ISM1: variants seen among roughly 807,000 people sequenced by gnomAD.
The protein encoded by ISM1 is isthmin-1.
ISM1 carries 25 observed loss-of-function variants against 46.3 expected under a neutral mutation model. The ratio of observed to expected loss-of-function variants is 0.54; its 90% CI spans 0.39 to 0.75. The LOEUF is 0.75. Ranked by LOEUF, ISM1 falls within the 30% of genes least tolerant of loss-of-function variation. The pLI, the probability that ISM1 is intolerant of heterozygous loss-of-function variation, is 0.00. For missense variants in ISM1, 536 were observed against 625.4 expected (o/e 0.86, Z 1.52); for synonymous variants, 255 against 256.7 (o/e 0.99, Z 0.06).
At chr20:13,296,043 C>A (rs2123330212) in intron 5 of ISM1, among the ~76,000 whole-genome samples, 1 of 152,312 alleles carries the variant, frequency 6.6e-6, no homozygotes, top group East Asian at 1.9e-4. Flanking sequence ...TTTTTGGACA[C>A]CCCTGGGGCT....
chr20:13,296,820 C>G (rs905600476), intron 5 of ISM1, among the ~76,000 whole-genome samples: 2 of 152,202 alleles, frequency 1.3e-5, no homozygotes, highest in Non-Finnish European at 2.9e-5. Context: ...GAGTTCAAGA[C>G]CAACCTGGCC....
chr20:13,271,979 A>G (rs2040120584), intron 2 of ISM1, among the ~76,000 whole-genome samples: 1 of 152,052 alleles, frequency 6.6e-6, no homozygotes, highest in African/African-American at 2.4e-5. Context: ...GGGTTTTGCC[A>G]TATCGCTCAG....
At chr20:13,296,002 C>A (rs187931495) in intron 5 of ISM1, among the ~76,000 whole-genome samples, 3 of 152,338 alleles carry the variant, frequency 2.0e-5, no homozygotes, top group Admixed American at 2.0e-4. Context: ...TTGAAGCAAC[C>A]CTGACTTCCC....
At chr20:13,275,333 T>A (rs1480083604) in intron 2 of ISM1, among the ~76,000 whole-genome samples, 1 of 152,222 alleles carries the variant, frequency 6.6e-6, no homozygotes, top group East Asian at 1.9e-4. Context: ...CTTCTACTTT[T>A]GATTTTGCCT....
At chr20:13,261,627 C>T (rs1318524064) in intron 1 of ISM1, among the ~76,000 whole-genome samples, 1 of 152,188 alleles carries the variant, frequency 6.6e-6, no homozygotes, top group African/African-American at 2.4e-5. Flanking sequence ...CTCCTGGCCC[C>T]AGTCCTTTCC....
At chr20:13,322,879 C>A in the ISM1 span, among the ~76,000 whole-genome samples, 1 of 152,184 alleles carries the variant, frequency 6.6e-6, no homozygotes, top group Admixed American at 6.5e-5. Context: ...TCCCCACCCC[C>A]GCTGCCCTGA....
At chr20:13,320,385 A>G in the ISM1 span, among the ~76,000 whole-genome samples, 155 of 152,322 alleles carry the variant, frequency 1.0e-3, no homozygotes, top group Non-Finnish European at 1.9e-3. Flanking sequence ...GTGCTTGCAA[A>G]CCAAAGGACA....
the ISM1 span, among the ~76,000 whole-genome samples, chr20:13,315,140 A>G: frequency 3.9e-5 from 6 of 152,122 alleles, no homozygotes; most frequent in African/African-American, 1.2e-4. Flanking sequence ...AGCAAAAAAC[A>G]ACAAGGACAA....
chr20:13,302,355 A>T (rs751045546), downstream of ISM1, among the ~76,000 whole-genome samples: 1 of 152,208 alleles, frequency 6.6e-6, no homozygotes, highest in Non-Finnish European at 1.5e-5. Flanking sequence ...AACCTCTGGA[A>T]ATTTGCTGAA....
At chr20:13,312,027 CATAA>C in the ISM1 span, among the ~76,000 whole-genome samples, 1 of 151,784 alleles carries the variant, frequency 6.6e-6, no homozygotes, top group Non-Finnish European at 1.5e-5. Flanking sequence ...CATTGTACAC[CATAA>C]ATATAGACAA....
rs6131457 is a variant in ISM1, at chr20:13,253,293, G to A, written c.139-17211G>A. Among the ~76,000 whole-genome samples the A allele has an allele frequency of 2.5e-3, 375 of 152,270 alleles. 6 individuals are homozygous for A. The East Asian group carries it at 0.054, about 22-fold the overall frequency. Reference sequence around the variant, plus strand: ...CTTCACCCAGGGACCCAGAGGGTGAGGAGCTCTGCCTTCCCTCACGGTGTT... The same window carrying A: ...CTTCACCCAGGGACCCAGAGGGTGAAGAGCTCTGCCTTCCCTCACGGTGTT... On this transcript the variant is annotated intron_variant, in intron 1 of 5. Coordinates refer to ENST00000262487, the MANE Select transcript of ISM1 (RefSeq NM_080826.2).
intron 1 of ISM1, among the ~76,000 whole-genome samples, chr20:13,237,213 G>A (rs2039661472): frequency 6.6e-6 from 1 of 152,204 alleles, no homozygotes; most frequent in Non-Finnish European, 1.5e-5. Flanking sequence ...ATATCAACAT[G>A]CCCTTGGCCC....
intron 1 of ISM1, among the ~76,000 whole-genome samples, chr20:13,225,199 T>C (rs192466804): frequency 3.9e-5 from 6 of 152,252 alleles, no homozygotes; most frequent in Non-Finnish European, 1.5e-5. Flanking sequence ...AATTAGGTGC[T>C]ATCATTATCC....
intron 1 of ISM1, among the ~76,000 whole-genome samples, chr20:13,256,774 A>G (rs1236920241): frequency 6.6e-6 from 1 of 152,054 alleles, no homozygotes; most frequent in Non-Finnish European, 1.5e-5. Context: ...AGGATTCCAA[A>G]CCTCAGTTTT....
chr20:13,246,127 G>T (rs2039790085), intron 1 of ISM1, among the ~76,000 whole-genome samples: 1 of 152,098 alleles, frequency 6.6e-6, no homozygotes, highest in African/African-American at 2.4e-5. Flanking sequence ...AAAAGAATTA[G>T]TCGGGCATGG....
At chr20:13,292,643 C>A (rs2123320120) in intron 5 of ISM1, among the ~76,000 whole-genome samples, 180 bp downstream of exon 5, 1 of 152,252 alleles carries the variant, frequency 6.6e-6, no homozygotes, top group Non-Finnish European at 1.5e-5. Context: ...CAGTCCTAAG[C>A]CTCCTCCACC....
chr20:13,262,344 G>A (rs2039997768), intron 1 of ISM1, among the ~76,000 whole-genome samples: 1 of 152,182 alleles, frequency 6.6e-6, no homozygotes, highest in African/African-American at 2.4e-5. Flanking sequence ...TGGATGCTGA[G>A]GATGGCTGGC....
At chr20:13,304,804 T>A (rs907377299), downstream of ISM1, among the ~76,000 whole-genome samples, 5 of 152,144 alleles carry the variant, frequency 3.3e-5, no homozygotes, top group African/African-American at 9.7e-5. Flanking sequence ...TGGGATTGAG[T>A]TCCAGTTGCC....
chr20:13,254,187 C>T (rs138514983), intron 1 of ISM1, among the ~76,000 whole-genome samples: 16,418 of 151,690 alleles, frequency 0.11, 1,047 homozygotes, highest in African/African-American at 0.16. Flanking sequence ...GAGCCAAGAT[C>T]ACGTCACTGC....
Sources: allele counts gnomAD v4.1 joint callset (sites outside exome capture counted in the v4.1 genomes callset), GRCh38; gene constraint gnomAD v4.1.1; transcripts MANE v1.5; gene names NCBI Gene and HGNC (gene_info 2026-07-23, HGNC 2026-07-21).